Variants in PLCB1 observed in about 807,000 individuals in gnomAD.
PLCB1 encodes 1-phosphatidylinositol 4,5-bisphosphate phosphodiesterase beta-1.
PLCB1 carries 46 observed loss-of-function variants against 161.8 expected under a neutral mutation model. The ratio of observed to expected loss-of-function variants is 0.28; its 90% CI spans 0.22 to 0.36. The LOEUF is 0.36. Among genes scored for constraint, PLCB1 ranks in the 10% least tolerant of loss-of-function variants. PLCB1 has a pLI of 1.00. For missense variants in PLCB1, 1,016 were observed against 1,472.5 expected (o/e 0.69, Z 5.07); for synonymous variants, 517 against 503.7 (o/e 1.03, Z -0.35).
At chr20:8,604,252 C>CAAAAA (rs34186286) in intron 3 of PLCB1, among the ~76,000 whole-genome samples, 5 of 51,392 alleles carry the variant, frequency 9.7e-5, no homozygotes, top group Non-Finnish European at 1.7e-4. Flanking sequence ...GGCCCTGTCT[C>CAAAAA]AAAAAAAAAA....
intron 3 of PLCB1, among the ~76,000 whole-genome samples, chr20:8,375,034 T>C (rs1347959033): frequency 6.6e-6 from 1 of 152,218 alleles, no homozygotes; most frequent in African/African-American, 2.4e-5. Context: ...AATTTAAATG[T>C]CAACCCCCAA....
At chr20:8,755,319 A>G (rs1226457738) in intron 23 of PLCB1, among the ~76,000 whole-genome samples, 3 of 151,866 alleles carry the variant, frequency 2.0e-5, no homozygotes, top group East Asian at 1.9e-4. Flanking sequence ...TCAATTTTTC[A>G]TCTGTAATCA....
intron 23 of PLCB1, chr20:8,751,371 A>G (rs1266242581): frequency 6.6e-6 from 1 of 152,188 alleles, no homozygotes; most frequent in Non-Finnish European, 1.5e-5. Context: ...AATCCTCCAA[A>G]TCCTAATTCT....
intron 3 of PLCB1, among the ~76,000 whole-genome samples, chr20:8,585,370 T>C (rs1355367332): frequency 1.3e-5 from 2 of 152,208 alleles, no homozygotes; most frequent in South Asian, 2.1e-4. Context: ...TGACCCTTAA[T>C]TGTGCACAGC....
chr20:8,263,376 A>T (rs1209250303), intron 2 of PLCB1, among the ~76,000 whole-genome samples: 1 of 152,184 alleles, frequency 6.6e-6, no homozygotes, highest in Non-Finnish European at 1.5e-5. Flanking sequence ...ATTATTTCAG[A>T]TTGTGACATT....
At chr20:8,311,326 A>G (rs1316029039) in intron 2 of PLCB1, among the ~76,000 whole-genome samples, 1 of 152,372 alleles carries the variant, frequency 6.6e-6, no homozygotes, top group Non-Finnish European at 1.5e-5. Flanking sequence ...TTCAATTGGC[A>G]GAATTTAGAA....
At chr20:8,187,063 A>G (rs1379484869) in intron 2 of PLCB1, among the ~76,000 whole-genome samples, 1 of 151,998 alleles carries the variant, frequency 6.6e-6, no homozygotes, top group African/African-American at 2.4e-5. Flanking sequence ...CATCTTTCTA[A>G]AGCTTATATG....
chr20:8,703,596 G>A (rs1426338301), intron 11 of PLCB1, among the ~76,000 whole-genome samples: 1 of 152,196 alleles, frequency 6.6e-6, no homozygotes, highest in Non-Finnish European at 1.5e-5. Flanking sequence ...CAGCAGATGA[G>A]CTTGGATGCT....
chr20:8,137,014 T>C (rs941274037), intron 1 of PLCB1, among the ~76,000 whole-genome samples: 3 of 152,214 alleles, frequency 2.0e-5, no homozygotes, highest in Non-Finnish European at 4.4e-5. Context: ...GAAAAATAAT[T>C]GCTAGACTAA....
intron 31 of PLCB1, among the ~76,000 whole-genome samples, chr20:8,862,750 T>C (rs182256356): frequency 9.4e-4 from 143 of 152,266 alleles, no homozygotes; most frequent in African/African-American, 3.3e-3. Flanking sequence ...AACCCTGCAA[T>C]GTGTCCACTC....
intron 3 of PLCB1, among the ~76,000 whole-genome samples, chr20:8,531,159 G>A (rs995224646): frequency 3.2e-4 from 48 of 151,944 alleles, no homozygotes; most frequent in African/African-American, 1.1e-3. Context: ...TGAATAATAA[G>A]TGGAAATGAA....
chr20:8,740,480 C>A, intron 22 of PLCB1, 32 bp downstream of exon 22: 2 of 1,192,294 alleles, frequency 1.7e-6, no homozygotes, highest in South Asian at 2.9e-5. Flanking sequence ...CCACTTTACT[C>A]AAAGGGGTAT....
chr20:8,847,844 C>CGTA (rs1426222942), intron 31 of PLCB1, among the ~76,000 whole-genome samples: 1 of 152,180 alleles, frequency 6.6e-6, no homozygotes, highest in South Asian at 2.1e-4. Context: ...TATAGGGTAT[C>CGTA]GTAGTCTGCT....
chr20:8,266,298 T>C (rs1981952704), intron 2 of PLCB1, among the ~76,000 whole-genome samples: 1 of 152,162 alleles, frequency 6.6e-6, no homozygotes, highest in East Asian at 1.9e-4. Context: ...TTCATTTGAC[T>C]TGGAGGGGCA....
At chr20:8,267,080 T>C (rs1160009329) in intron 2 of PLCB1, among the ~76,000 whole-genome samples, 1 of 151,210 alleles carries the variant, frequency 6.6e-6, no homozygotes, top group Non-Finnish European at 1.5e-5. Context: ...ACATCTGGGA[T>C]GACCGTACCT....
intron 31 of PLCB1, among the ~76,000 whole-genome samples, chr20:8,824,536 G>A (rs1290181913): frequency 6.6e-6 from 1 of 151,998 alleles, no homozygotes; most frequent in Non-Finnish European, 1.5e-5. Context: ...AAGAGTGTGT[G>A]ATAGAAACTG....
intron 3 of PLCB1, among the ~76,000 whole-genome samples, chr20:8,570,313 T>G (rs1053697861): frequency 2.0e-5 from 3 of 152,150 alleles, no homozygotes; most frequent in African/African-American, 7.2e-5. Context: ...AATTCCCCTC[T>G]AAGTCTGTGG....
chr20:8,203,855 A>T (rs1041753606), intron 2 of PLCB1, among the ~76,000 whole-genome samples: 5 of 152,144 alleles, frequency 3.3e-5, no homozygotes, highest in Admixed American at 6.5e-5. Flanking sequence ...AGCACATTGC[A>T]TACAGTCTTC....
intron 21 of PLCB1, among the ~76,000 whole-genome samples, chr20:8,739,754 T>G (rs6086574): frequency 0.6 from 91,533 of 152,056 alleles, 28,434 homozygotes; most frequent in East Asian, 0.68. Context: ...TTCTACAATA[T>G]GGACTTCTCT....
Sources: gnomAD v4.1 joint callset for allele counts (sites outside exome capture counted in the v4.1 genomes callset) on GRCh38, gnomAD v4.1.1 for gene constraint, MANE v1.5 for transcripts, NCBI Gene and HGNC (gene_info 2026-07-23, HGNC 2026-07-21) for gene names.